Variants in MYO3B observed in about 807,000 individuals in gnomAD.
The protein encoded by MYO3B is myosin IIIB, also known as myosin-IIIb.
Under a neutral mutation model 174.6 loss-of-function variants are expected in MYO3B, and 156 were observed. That is an observed-to-expected ratio of 0.89 (90% confidence interval 0.78 to 1.02). The LOEUF (loss-of-function observed/expected upper bound fraction) is 1.02, where lower values mean the gene tolerates loss of function less well. MYO3B is among the 50% of genes least tolerant of loss of function. The pLI is 0.00. For missense variants in MYO3B, 1,632 were observed against 1,639.4 expected, an observed-to-expected ratio of 1.00 and a Z score of 0.08; for synonymous variants, 563 against 569.1, an observed-to-expected ratio of 0.99 and a Z score of 0.15.
chr2:170,264,716 A>C (rs1195596612), intron 7 of MYO3B, among the ~76,000 whole-genome samples: 1 of 152,252 alleles, frequency 6.6e-6, no homozygotes, highest in African/African-American at 2.4e-5. Flanking sequence ...AATAGCTACT[A>C]TTATTACTAC....
At chr2:170,327,879 T>C (rs2093880604) in intron 7 of MYO3B, among the ~76,000 whole-genome samples, 1 of 95,192 alleles carries the variant, frequency 1.1e-5, no homozygotes, top group Admixed American at 1.3e-4. Flanking sequence ...ATATATACAC[T>C]ATATATAGTA....
At chr2:170,589,487 T>A (rs1025538560) in intron 32 of MYO3B, among the ~76,000 whole-genome samples, 9 of 152,180 alleles carry the variant, frequency 5.9e-5, no homozygotes, top group African/African-American at 2.2e-4. Context: ...GTGATATAGA[T>A]GATCCTGATC....
intron 25 of MYO3B, among the ~76,000 whole-genome samples, chr2:170,497,570 A>G (rs540663624): frequency 1.3e-5 from 2 of 152,060 alleles, no homozygotes; most frequent in South Asian, 4.1e-4. Flanking sequence ...GTGAGCTGAG[A>G]TCGCGCCACT....
intron 7 of MYO3B, among the ~76,000 whole-genome samples, chr2:170,256,118 C>T (rs2093302187): frequency 6.6e-6 from 1 of 152,156 alleles, no homozygotes; most frequent in Non-Finnish European, 1.5e-5. Flanking sequence ...TGAACAAAGC[C>T]TTTGAGAAAT....
chr2:170,374,012 G>A (rs1394481636), intron 9 of MYO3B, among the ~76,000 whole-genome samples: 1 of 152,192 alleles, frequency 6.6e-6, no homozygotes, highest in Non-Finnish European at 1.5e-5. Context: ...GCATCCTATT[G>A]TAGTGAAGTT....
At chr2:170,386,979 A>G (rs115890206) in intron 13 of MYO3B, 127 bp from the exon 14 acceptor site, 13,614 of 790,104 alleles carry the variant, frequency 0.017, 171 homozygotes, top group South Asian at 0.028. Flanking sequence ...GTTGATGCTA[A>G]CGTCCCCCAA....
At chr2:170,267,313 A>G (rs1466747625) in intron 7 of MYO3B, among the ~76,000 whole-genome samples, 2 of 152,294 alleles carry the variant, frequency 1.3e-5, no homozygotes, top group African/African-American at 4.8e-5. Flanking sequence ...AATATGGAGG[A>G]CTGCACAAGA....
chr2:170,282,187 G>A (rs184440106), intron 7 of MYO3B, among the ~76,000 whole-genome samples: 70 of 152,266 alleles, frequency 4.6e-4, no homozygotes, highest in African/African-American at 1.7e-3. Context: ...CTAGACCAGT[G>A]TCCTGGAGTG....
intron 22 of MYO3B, among the ~76,000 whole-genome samples, chr2:170,414,580 T>A (rs1412202996): frequency 6.6e-6 from 1 of 152,218 alleles, no homozygotes; most frequent in Admixed American, 6.5e-5. Flanking sequence ...TGTCTTTCCA[T>A]ATAAATTTTA....
At chr2:170,421,413 A>G (rs2094613759) in intron 22 of MYO3B, among the ~76,000 whole-genome samples, 2 of 152,166 alleles carry the variant, frequency 1.3e-5, no homozygotes, top group Admixed American at 1.3e-4. Context: ...GCTTTCCCAG[A>G]AGCAAACAGT....
intron 32 of MYO3B, among the ~76,000 whole-genome samples, chr2:170,608,452 A>T (rs1237853303): frequency 1.3e-5 from 2 of 152,172 alleles, no homozygotes; most frequent in Admixed American, 6.5e-5. Flanking sequence ...AGATTGAAGG[A>T]TCCAAAAGGC....
intron 22 of MYO3B, among the ~76,000 whole-genome samples, chr2:170,442,772 G>A (rs1239318885): frequency 2.0e-5 from 3 of 152,056 alleles, no homozygotes; most frequent in African/African-American, 4.8e-5. Context: ...CTGTCCTTGC[G>A]ATAGTTTGCT....
intron 7 of MYO3B, among the ~76,000 whole-genome samples, chr2:170,314,069 G>A (rs543846446): frequency 6.6e-6 from 1 of 152,298 alleles, no homozygotes; most frequent in South Asian, 2.1e-4. Context: ...CAGCCCCCCT[G>A]CCAATGCCAT....
At chr2:170,553,426 ACTACCCTG>A (rs1166120390) in intron 32 of MYO3B, among the ~76,000 whole-genome samples, 1 of 152,174 alleles carries the variant, frequency 6.6e-6, no homozygotes, top group African/African-American at 2.4e-5. Context: ...AGATTTAATG[ACTACCCTG>A]CTGGGTTTCA....
intron 22 of MYO3B, among the ~76,000 whole-genome samples, chr2:170,426,880 G>A (rs188043443): frequency 2.0e-5 from 3 of 152,134 alleles, no homozygotes; most frequent in East Asian, 2.0e-4. Context: ...TTAGCCAGGC[G>A]TGGTGGCATG....
chr2:170,651,040 G>C (rs1698973536), intron 32 of MYO3B, among the ~76,000 whole-genome samples: 1 of 152,078 alleles, frequency 6.6e-6, no homozygotes, highest in Non-Finnish European at 1.5e-5. Context: ...CAAACAGGGA[G>C]AGACTGCTTC....
At chr2:170,355,646 C>T (rs558061632) in intron 8 of MYO3B, among the ~76,000 whole-genome samples, 1 of 152,176 alleles carries the variant, frequency 6.6e-6, no homozygotes, top group Non-Finnish European at 1.5e-5. Flanking sequence ...GGGATTGAAT[C>T]GCTCCCTCCT....
intron 7 of MYO3B, among the ~76,000 whole-genome samples, chr2:170,246,273 A>C (rs1240369505): frequency 2.0e-5 from 3 of 152,196 alleles, no homozygotes; most frequent in Non-Finnish European, 4.4e-5. Flanking sequence ...TATCAATGGA[A>C]GTGTGTTGCA....
At chr2:170,529,568 A>G (rs1008353359) in intron 30 of MYO3B, among the ~76,000 whole-genome samples, 1 of 151,960 alleles carries the variant, frequency 6.6e-6, no homozygotes, top group East Asian at 1.9e-4. Context: ...ATCTCTAACC[A>G]TTTCTCCATC....
Sources: gnomAD v4.1 joint callset for allele counts (sites outside exome capture counted in the v4.1 genomes callset) on GRCh38, gnomAD v4.1.1 for gene constraint, MANE v1.5 for transcripts, NCBI Gene and HGNC (gene_info 2026-07-23, HGNC 2026-07-21) for gene names.